The following ZFYVE1 variants were observed in gnomAD, a reference collection of about 807,000 sequenced individuals.
ZFYVE1 encodes the protein zinc finger FYVE-type containing 1.
Under a neutral mutation model 74.4 loss-of-function variants are expected in ZFYVE1, and 30 were observed. That is an observed-to-expected ratio of 0.40 (90% CI 0.30 to 0.55). The LOEUF is 0.55. ZFYVE1 is among the 20% of genes least tolerant of loss of function. The probability of loss-of-function intolerance (pLI) is 0.42; values close to 1 mark genes in which losing one functional copy is unlikely to be tolerated. For missense variants in ZFYVE1, 703 were observed against 1,011.6 expected (o/e 0.69, Z 4.14); for synonymous variants, 335 against 385.1 (o/e 0.87, Z 1.52).
chr14:72,973,243 C>CT (rs1276773003), intron 11 of ZFYVE1, among the ~76,000 whole-genome samples: 2 of 151,318 alleles, frequency 1.3e-5, no homozygotes, highest in Non-Finnish European at 2.9e-5. Flanking sequence ...AATCCCAGCA[C>CT]TTTGGGAGGC....
rs545720589 is a variant in ZFYVE1, at chr14:73,008,287, G to A, written c.484-9972C>T. On this transcript the variant is annotated intron_variant, in intron 2 of 11. Coordinates refer to ENST00000556143, the MANE Select transcript of ZFYVE1 (RefSeq NM_021260.4). ...TGATTCTCCTGCCTCAGCTTCCTAAGTAGCTGGGATTACAGGCATGTGCCA... is the reference window on the plus strand; with the variant it reads ...TGATTCTCCTGCCTCAGCTTCCTAAATAGCTGGGATTACAGGCATGTGCCA... Among the ~76,000 whole-genome samples, 7 of 152,300 alleles carry A rather than the reference G, an allele frequency of 4.6e-5. No individual in the cohort carries two copies. The South Asian group carries it at 1.5e-3, about 32-fold the overall frequency.
At chr14:73,001,475 C>T (rs1450413122) in intron 2 of ZFYVE1, among the ~76,000 whole-genome samples, 2 of 152,054 alleles carry the variant, frequency 1.3e-5, no homozygotes, top group African/African-American at 4.8e-5. Context: ...TGGCCATACC[C>T]CACTGAACAC....
rs1450090537 is a variant in ZFYVE1 at position 72,969,948 on chromosome 14, C to T, written c.*934G>A. The T allele has an allele frequency of 1.5e-5, 9 of 581,660 alleles. No homozygotes were observed. The highest frequency in any genetic ancestry group is 2.7e-5 in the Non-Finnish European group (9 of 330,298). 36.0% of individuals were successfully genotyped at this position (581,660 alleles called of 1,614,324 possible). A position where few individuals can be genotyped will look rare whatever the true frequency, so the allele number is the denominator to read the frequency against. On this transcript the variant is annotated 3_prime_UTR_variant, in exon 12 of 12. Coordinates refer to ENST00000556143, the MANE Select transcript of ZFYVE1 (RefSeq NM_021260.4). ...GCTAGAGGGGTTGTGTGTCTGGGAA[C>T]AAAGGATTAAGACACTTTAAAATAA...
intron 8 of ZFYVE1, among the ~76,000 whole-genome samples, chr14:72,976,591 T>A (rs1255356358): frequency 1.3e-5 from 2 of 151,958 alleles, no homozygotes; most frequent in Non-Finnish European, 2.9e-5. Flanking sequence ...GAGACCATCC[T>A]GGCCAACATG....
intron 11 of ZFYVE1, among the ~76,000 whole-genome samples, chr14:72,973,745 A>T (rs1893094465): frequency 6.6e-6 from 1 of 152,172 alleles, no homozygotes; most frequent in African/African-American, 2.4e-5. Context: ...CTGGAATATC[A>T]GGTAGTAACT....
At chr14:73,015,318 G>A (rs1465216922) in intron 2 of ZFYVE1, among the ~76,000 whole-genome samples, 1 of 82,540 alleles carries the variant, frequency 1.2e-5, no homozygotes. Flanking sequence ...GGGAGGGAGG[G>A]AAGGGGGAAG....
intron 4 of ZFYVE1, 129 bp downstream of exon 4, chr14:72,993,014 G>T: frequency 1.1e-6 from 1 of 886,478 alleles, no homozygotes; most frequent in Non-Finnish European, 1.7e-6. Context: ...CCATTCATGT[G>T]CTTCCGCTTC....
At chr14:72,995,058 T>TTTAA (rs1893712406) in intron 3 of ZFYVE1, among the ~76,000 whole-genome samples, 1 of 152,132 alleles carries the variant, frequency 6.6e-6, no homozygotes, top group Non-Finnish European at 1.5e-5. Context: ...TTAATTTCCT[T>TTTAA]TTTATTTATT....
chr14:72,979,000 C>T (rs200801554), intron 5 of ZFYVE1, 31 bp from the exon 6 acceptor site: 503 of 1,594,894 alleles, frequency 3.2e-4, no homozygotes, highest in Non-Finnish European at 3.9e-4. Flanking sequence ...GACAATGAGA[C>T]GGCTAAAGGA....
intron 5 of ZFYVE1, among the ~76,000 whole-genome samples, chr14:72,979,820 A>C (rs910698749): frequency 3.3e-5 from 5 of 152,210 alleles, no homozygotes; most frequent in Non-Finnish European, 1.5e-5. Flanking sequence ...GTTTACCCAG[A>C]ACAGGCTGCC....
At chr14:72,979,651 T>C (rs2140347943) in intron 5 of ZFYVE1, among the ~76,000 whole-genome samples, 1 of 150,090 alleles carries the variant, frequency 6.7e-6, no homozygotes, top group South Asian at 2.1e-4. Context: ...GACTCTGTCT[T>C]TAAAAAAAAA....
chr14:73,003,054 C>CTTTTTTTTTTTTTT (rs201185010), intron 2 of ZFYVE1, among the ~76,000 whole-genome samples: 1 of 102,968 alleles, frequency 9.7e-6, no homozygotes, highest in Non-Finnish European at 1.8e-5. Context: ...TTTTTCTTTT[C>CTTTTTTTTTTTTTT]TTTTTTTTTT....
intron 3 of ZFYVE1, among the ~76,000 whole-genome samples, chr14:72,996,629 C>T (rs539064551): frequency 3.6e-4 from 55 of 152,286 alleles, no homozygotes; most frequent in African/African-American, 1.3e-3. Flanking sequence ...AGAGCATCTT[C>T]TTCCCCTCCT....
chr14:73,020,682 G>GA (rs1287222426), intron 2 of ZFYVE1, among the ~76,000 whole-genome samples: 3 of 152,082 alleles, frequency 2.0e-5, no homozygotes, highest in Non-Finnish European at 4.4e-5. Flanking sequence ...ACTGCTTTAA[G>GA]AAAAAAGAGC....
At chr14:73,013,796 TC>T (rs5809600) in intron 2 of ZFYVE1, among the ~76,000 whole-genome samples, 41,919 of 151,842 alleles carry the variant, frequency 0.28, 6,609 homozygotes, top group Middle Eastern at 0.39. Flanking sequence ...TTCTCCGATT[TC>T]CCATCAAGCA....
At chr14:73,000,421 G>C (rs934665645) in intron 2 of ZFYVE1, among the ~76,000 whole-genome samples, 1 of 152,068 alleles carries the variant, frequency 6.6e-6, no homozygotes, top group Admixed American at 6.6e-5. Flanking sequence ...GGCCAACATG[G>C]TGCGACCTCT....
At chr14:73,012,605 G>C (rs148081572) in intron 2 of ZFYVE1, among the ~76,000 whole-genome samples, 284 of 152,182 alleles carry the variant, frequency 1.9e-3, no homozygotes, top group African/African-American at 6.4e-3. Flanking sequence ...CTGGGCAACA[G>C]AGGGAGATTT....
chr14:72,978,566 C>CAAAA (rs58858186), intron 6 of ZFYVE1, among the ~76,000 whole-genome samples: 876 of 50,982 alleles, frequency 0.017, 41 homozygotes, highest in East Asian at 0.028. Flanking sequence ...GACTCTGTCT[C>CAAAA]AAAAAAAAAA....
At chr14:73,008,206 C>T (rs578172654) in intron 2 of ZFYVE1, among the ~76,000 whole-genome samples, 6 of 152,340 alleles carry the variant, frequency 3.9e-5, no homozygotes, top group Non-Finnish European at 8.8e-5. Context: ...GTTGCCCAGG[C>T]TGGAGTGCAA....
Sources: allele counts gnomAD v4.1 joint callset (sites outside exome capture counted in the v4.1 genomes callset), GRCh38; gene constraint gnomAD v4.1.1; transcripts MANE v1.5; gene names NCBI Gene and HGNC (gene_info 2026-07-23, HGNC 2026-07-21).